Variants in STOX2 observed in about 807,000 individuals in gnomAD.
STOX2 encodes storkhead box 2, also known as storkhead-box protein 2.
Under a neutral mutation model 60.9 loss-of-function variants are expected in STOX2, and 28 were observed. The observed-to-expected ratio is 0.46, with a 90% CI of 0.34 to 0.63. STOX2 has a LOEUF of 0.63. STOX2 is among the 30% of genes least tolerant of loss of function. The pLI is 0.01. For missense variants in STOX2, 1,024 were observed against 1,187.7 expected, an observed-to-expected ratio of 0.86 and a Z score of 2.03; for synonymous variants, 472 against 463.9, an observed-to-expected ratio of 1.02 and a Z score of -0.22.
At chr4:183,833,954 C>A (rs1369980912) in intron 1 of STOX2, among the ~76,000 whole-genome samples, 1 of 141,990 alleles carries the variant, frequency 7.0e-6, no homozygotes, top group Non-Finnish European at 1.5e-5. Context: ...TGCACTCCAG[C>A]CTGGGCGACA....
At chr4:183,889,372 G>A (rs1449879885) in intron 1 of STOX2, among the ~76,000 whole-genome samples, 5 of 152,232 alleles carry the variant, frequency 3.3e-5, no homozygotes, top group Admixed American at 6.5e-5. Flanking sequence ...GGTCACCAGC[G>A]TGCCCCAGAG....
At chr4:183,899,482 A>G (rs932041227) in intron 1 of STOX2, among the ~76,000 whole-genome samples, 2 of 152,230 alleles carry the variant, frequency 1.3e-5, no homozygotes, top group African/African-American at 4.8e-5. Flanking sequence ...CACGAATGAT[A>G]AGAAAGCAAA....
chr4:183,907,595 G>T (rs1741656939), intron 1 of STOX2, among the ~76,000 whole-genome samples: 1 of 152,218 alleles, frequency 6.6e-6, no homozygotes, highest in Non-Finnish European at 1.5e-5. Flanking sequence ...TCATGTGTTT[G>T]CATGTCAGAC....
intron 1 of STOX2, chr4:183,853,323 T>A (rs1209623272): frequency 6.6e-6 from 1 of 152,180 alleles, no homozygotes; most frequent in Non-Finnish European, 1.5e-5. Context: ...GCCCCGTGGG[T>A]CCTTAATGAC....
At position 183,891,951 on chromosome 4, in the gene STOX2, C is replaced by T. The variant is rs114792847; in HGVS notation, c.364+93896C>T. On this transcript the variant is annotated intron_variant, in intron 1 of 2. Transcript: ENST00000513034. ...GAAGAGATGGTTGCTTTTGTTTTCC[C>T]CATGTTCCGGAGGAAGAACTGAGAA... Among the ~76,000 whole-genome samples the T allele has an allele frequency of 3.3e-3, 505 of 152,302 alleles. 1 individual carries two copies. The highest frequency in any genetic ancestry group is 0.011 in the African/African-American group (460 of 41,564).
intron 1 of STOX2, among the ~76,000 whole-genome samples, chr4:183,995,037 TTC>T (rs1733270558): frequency 6.6e-6 from 1 of 152,246 alleles, no homozygotes; most frequent in African/African-American, 2.4e-5. Context: ...GGCTTTCCTT[TTC>T]TTACACAGTT....
intron 1 of STOX2, among the ~76,000 whole-genome samples, chr4:183,956,702 A>G (rs1236625591): frequency 5.3e-5 from 8 of 152,158 alleles, no homozygotes; most frequent in Admixed American, 2.6e-4. Flanking sequence ...TGTTGTCCCA[A>G]TAATATCGTC....
chr4:183,854,511 T>C (rs934201951), intron 1 of STOX2, among the ~76,000 whole-genome samples: 3 of 152,196 alleles, frequency 2.0e-5, no homozygotes, highest in Admixed American at 6.5e-5. Context: ...AAAACTAGAT[T>C]CATGGCAGGG....
chr4:183,807,956 T>C (rs1400953911), intron 1 of STOX2, among the ~76,000 whole-genome samples: 1 of 152,236 alleles, frequency 6.6e-6, no homozygotes, highest in Non-Finnish European at 1.5e-5. Context: ...CGGGGCGGGC[T>C]GAGCTCTCCC....
chr4:183,908,257 A>G (rs1741674527), intron 1 of STOX2, among the ~76,000 whole-genome samples: 1 of 152,250 alleles, frequency 6.6e-6, no homozygotes, highest in Non-Finnish European at 1.5e-5. Context: ...AGTGACAACT[A>G]CAGTTTATAC....
At chr4:183,928,664 C>T (rs1056883457) in intron 1 of STOX2, among the ~76,000 whole-genome samples, 11 of 152,094 alleles carry the variant, frequency 7.2e-5, no homozygotes, top group East Asian at 3.9e-4. Context: ...CTTGCCAACC[C>T]GGTGTATCTC....
chr4:183,844,080 A>T (rs1223859049), intron 1 of STOX2, among the ~76,000 whole-genome samples: 1 of 152,184 alleles, frequency 6.6e-6, no homozygotes, highest in Non-Finnish European at 1.5e-5. Context: ...ATTGTTTCTT[A>T]AAAAAACAAA....
intron 1 of STOX2, among the ~76,000 whole-genome samples, chr4:183,958,081 G>T (rs184570701): frequency 6.8e-6 from 1 of 146,370 alleles, no homozygotes. Flanking sequence ...TACAACCCAA[G>T]ATCGTGAATA....
chr4:183,813,659 G>T (rs544196023), intron 1 of STOX2, among the ~76,000 whole-genome samples: 9 of 152,246 alleles, frequency 5.9e-5, no homozygotes, highest in Admixed American at 5.9e-4. Context: ...ATTCCTTTGA[G>T]GGTGGAGACT....
intron 1 of STOX2, among the ~76,000 whole-genome samples, chr4:183,975,461 A>G (rs1021253716): frequency 6.6e-6 from 1 of 152,288 alleles, no homozygotes; most frequent in East Asian, 1.9e-4. Context: ...GAAATATGAC[A>G]TAAATTACCA....
chr4:183,932,509 T>C (rs1742468488), intron 1 of STOX2, among the ~76,000 whole-genome samples: 1 of 151,804 alleles, frequency 6.6e-6, no homozygotes, highest in Non-Finnish European at 1.5e-5. Context: ...AGTATACACA[T>C]TAATGGTGTA....
At chr4:183,888,194 T>C (rs1211074366) in intron 1 of STOX2, among the ~76,000 whole-genome samples, 1 of 152,220 alleles carries the variant, frequency 6.6e-6, no homozygotes, top group Non-Finnish European at 1.5e-5. Context: ...CATGTTTCAA[T>C]GGATGAAGAT....
At chr4:183,827,316 A>G (rs1324597475) in intron 1 of STOX2, among the ~76,000 whole-genome samples, 2 of 152,104 alleles carry the variant, frequency 1.3e-5, no homozygotes, top group African/African-American at 4.8e-5. Context: ...TGGGCAACAC[A>G]GCAAGACCCC....
intron 1 of STOX2, among the ~76,000 whole-genome samples, chr4:183,824,960 A>G (rs61649317): frequency 0.064 from 9,736 of 152,260 alleles, 995 homozygotes; most frequent in African/African-American, 0.22. Context: ...CTAAGTGTGC[A>G]ATCACAAGTG....
Sources: allele counts gnomAD v4.1 joint callset (sites outside exome capture counted in the v4.1 genomes callset), GRCh38; gene constraint gnomAD v4.1.1; transcripts MANE v1.5; gene names NCBI Gene and HGNC (gene_info 2026-07-23, HGNC 2026-07-21).